Variants in NREP observed in about 807,000 individuals in gnomAD.
NREP encodes the protein neuronal regeneration-related protein.
A neutral mutation model predicts 8.6 loss-of-function variants in NREP; 5 were observed. The ratio of observed to expected loss-of-function variants is 0.58; its 90% confidence interval spans 0.30 to 1.22. The LOEUF is 1.22. Ranked by LOEUF, NREP falls within the 50% of genes most tolerant of loss-of-function variation. The pLI is 0.07. For missense variants in NREP, 86 were observed against 82.5 expected (o/e 1.04, Z -0.17); for synonymous variants, 27 against 28.0 (o/e 0.96, Z 0.11).
chr5:111,901,863 C>T (rs1001364695), intron 2 of NREP, among the ~76,000 whole-genome samples: 8 of 151,936 alleles, frequency 5.3e-5, no homozygotes, highest in East Asian at 1.9e-4. Flanking sequence ...GTTGTTAAAA[C>T]GACTGTACTA....
At chr5:111,827,122 C>T (rs1752648162) in intron 2 of NREP, among the ~76,000 whole-genome samples, 1 of 152,144 alleles carries the variant, frequency 6.6e-6, no homozygotes, top group Non-Finnish European at 1.5e-5. Context: ...TAGTAGTCGG[C>T]TTTCCCATGT....
chr5:111,842,477 A>G (rs1169912207), intron 2 of NREP, among the ~76,000 whole-genome samples: 1 of 152,174 alleles, frequency 6.6e-6, no homozygotes. Flanking sequence ...CCAGAACTCT[A>G]CATTTCAACT....
rs964083105 is a variant in NREP at position 111,916,250 on chromosome 5, G to A, written c.135+59024C>T. ...AGAGAGTCATTTTCCCAGGACTACC[G>A]AGAGAGAGAGAACAAGGTAGAGAGT... On this transcript the variant is annotated intron_variant, in intron 2 of 3. Coordinates refer to the NREP transcript ENST00000395634. Among the ~76,000 whole-genome samples, 9 of 151,524 alleles carry A rather than the reference G, an allele frequency of 5.9e-5. 1 individual carries two copies. Among genetic ancestry groups the A allele is most frequent in the African/African-American group, 1.5e-4 (6 of 41,274 alleles).
intron 2 of NREP, among the ~76,000 whole-genome samples, chr5:111,866,955 T>A (rs1356528191): frequency 1.5e-5 from 2 of 134,362 alleles, no homozygotes; most frequent in Non-Finnish European, 3.1e-5. Context: ...TGAGAACACA[T>A]GGACACAGGA....
intron 2 of NREP, among the ~76,000 whole-genome samples, chr5:111,852,601 G>A (rs1184352593): frequency 2.0e-5 from 3 of 152,054 alleles, no homozygotes; most frequent in African/African-American, 7.2e-5. Flanking sequence ...GGGAGTCCTG[G>A]GTTTTAGTTC....
At chr5:111,800,116 G>C (rs1751969497) in intron 2 of NREP, among the ~76,000 whole-genome samples, 1 of 149,014 alleles carries the variant, frequency 6.7e-6, no homozygotes, top group South Asian at 2.1e-4. Flanking sequence ...TTTCAGTAGA[G>C]ACAGGGTTTC....
In NREP at chr5:111,828,622, TA is replaced by T. The variant is rs532024692; in HGVS notation, c.136-93116del. Among the ~76,000 whole-genome samples the T allele has an allele frequency of 4.9e-3, 750 of 151,830 alleles. 2 individuals carry two copies. Among genetic ancestry groups the T allele is most frequent in the Admixed American group, 8.4e-3 (128 of 15,248 alleles). On this transcript the variant is annotated intron_variant, in intron 2 of 3. Coordinates refer to the NREP transcript ENST00000395634. ...CAATTACCGTTGATTGCTTTGGAAA[TA>T]AAAAAAATGACTATGTAATACAAAA...
intron 2 of NREP, among the ~76,000 whole-genome samples, chr5:111,810,025 C>A (rs1355481743): frequency 6.0e-5 from 9 of 151,194 alleles, no homozygotes; most frequent in Non-Finnish European, 1.2e-4. Context: ...ATCCAGGAAC[C>A]AATCAGACTA....
intron 2 of NREP, among the ~76,000 whole-genome samples, chr5:111,909,606 A>G (rs992722752): frequency 3.9e-5 from 6 of 152,046 alleles, no homozygotes; most frequent in African/African-American, 1.4e-4. Context: ...AGTCTTTATG[A>G]TCTAAAACCA....
Position 111,897,481 on chromosome 5 carries a change from T to C in NREP, c.135+77793A>G, listed in dbSNP as rs532977824. On this transcript the variant is annotated intron_variant, in intron 2 of 3. Transcript: ENST00000395634. ...TTTCCTATGCTCCCTCTATATAATA[T>C]ACTTTTCCCACACTTAATAAAATTC... Among the ~76,000 whole-genome samples the C allele has an allele frequency of 5.3e-5, 8 of 152,278 alleles. No homozygotes were observed. In the South Asian group the frequency reaches 8.3e-4, roughly 16 times the overall value.
chr5:111,817,685 G>A (rs1397660238), intron 2 of NREP, among the ~76,000 whole-genome samples: 4 of 150,418 alleles, frequency 2.7e-5, no homozygotes, highest in African/African-American at 9.8e-5. Context: ...GGCGCCTGTA[G>A]TCCCAGCTAC....
At chr5:111,799,527 C>T (rs1308472685) in intron 2 of NREP, among the ~76,000 whole-genome samples, 1 of 151,742 alleles carries the variant, frequency 6.6e-6, no homozygotes, top group Non-Finnish European at 1.5e-5. Flanking sequence ...CCTTCAAATT[C>T]TCTTTTGTTT....
At chr5:111,962,310 A>AC in intron 2 of NREP, among the ~76,000 whole-genome samples, 1 of 152,178 alleles carries the variant, frequency 6.6e-6, no homozygotes, top group East Asian at 1.9e-4. Context: ...ACTGATGTAG[A>AC]TGACTGAGCC....
At chr5:111,904,637 G>A (rs189547454) in intron 2 of NREP, among the ~76,000 whole-genome samples, 13 of 152,148 alleles carry the variant, frequency 8.5e-5, no homozygotes, top group African/African-American at 2.9e-4. Flanking sequence ...ATGTGAAAGA[G>A]CCCCAGGAAC....
At chr5:111,953,049 C>A (rs146400277) in intron 2 of NREP, among the ~76,000 whole-genome samples, 137 of 152,260 alleles carry the variant, frequency 9.0e-4, no homozygotes, top group African/African-American at 3.3e-3. Flanking sequence ...CTAACCTATA[C>A]TTTGCTGCAG....
intron 2 of NREP, among the ~76,000 whole-genome samples, chr5:111,845,084 G>C (rs551086233): frequency 2.0e-5 from 3 of 151,950 alleles, no homozygotes; most frequent in Non-Finnish European, 2.9e-5. Context: ...TGTTGCCTTC[G>C]GACTGCAAGG....
chr5:111,782,281 G>C (rs1751511189), intron 2 of NREP, among the ~76,000 whole-genome samples: 1 of 152,152 alleles, frequency 6.6e-6, no homozygotes. Flanking sequence ...TGCAGTATAT[G>C]GAACTGGCAG....
intron 2 of NREP, among the ~76,000 whole-genome samples, chr5:111,750,987 C>T (rs1332407690): frequency 6.6e-6 from 1 of 152,110 alleles, no homozygotes; most frequent in African/African-American, 2.4e-5. Flanking sequence ...GCATTCATTT[C>T]GGCTTCCTAC....
intron 2 of NREP, among the ~76,000 whole-genome samples, chr5:111,778,713 A>G (rs944738810): frequency 6.6e-6 from 1 of 152,156 alleles, no homozygotes; most frequent in Non-Finnish European, 1.5e-5. Context: ...AGGCCCTAAA[A>G]AGCAGAGATT....
Sources: allele counts gnomAD v4.1 joint callset (sites outside exome capture counted in the v4.1 genomes callset), GRCh38; gene constraint gnomAD v4.1.1; transcripts MANE v1.5; gene names NCBI Gene and HGNC (gene_info 2026-07-23, HGNC 2026-07-21).